The following COL4A3 variants were observed in gnomAD, a reference collection of about 807,000 sequenced individuals.
COL4A3 encodes the protein collagen type IV alpha 3 chain.
COL4A3 carries 135 observed loss-of-function variants against 217.4 expected under a neutral mutation model. The observed-to-expected ratio is 0.62, with a 90% CI of 0.54 to 0.72. The LOEUF (loss-of-function observed/expected upper bound fraction) is 0.72, where lower values mean the gene tolerates loss of function less well. COL4A3 is among the 30% of genes least tolerant of loss of function. The probability of loss-of-function intolerance (pLI) is 0.00; values close to 1 mark genes in which losing one functional copy is unlikely to be tolerated. For synonymous variants in COL4A3, 690 were observed against 736.3 expected (o/e 0.94, Z 1.02); for missense variants, 1,868 against 2,119.9 (o/e 0.88, Z 2.33).
At chr2:227,259,924 CT>C (rs758594479) in intron 19 of COL4A3, 47 bp downstream of exon 19, 1 of 1,410,296 alleles carries the variant, frequency 7.1e-7, no homozygotes, top group African/African-American at 1.4e-5. Flanking sequence ...ATATTTCTGG[CT>C]TTCTTTCAAG....
intron 3 of COL4A3, 150 bp downstream of exon 3, chr2:227,240,382 C>T (rs1425510819): frequency 2.9e-5 from 21 of 723,096 alleles, no homozygotes; most frequent in Non-Finnish European, 4.6e-5. Flanking sequence ...TAGTGGGCCA[C>T]ATAGAACCGC....
At chr2:227,209,037 T>C (rs2067212894) in intron 1 of COL4A3, among the ~76,000 whole-genome samples, 1 of 152,134 alleles carries the variant, frequency 6.6e-6, no homozygotes, top group South Asian at 2.1e-4. Context: ...AAGGGAAGCA[T>C]TACAAACAAA....
chr2:227,169,500 C>G (rs577770753), intron 1 of COL4A3, among the ~76,000 whole-genome samples: 7 of 151,386 alleles, frequency 4.6e-5, no homozygotes, highest in Non-Finnish European at 1.0e-4. Flanking sequence ...AGTTTACAGT[C>G]CCACCAACAG....
Position 227,290,879 on chromosome 2 carries a change from G to A in COL4A3, c.3203G>A (p.Gly1068Glu). The A allele has an allele frequency of 6.2e-7, 1 of 1,612,110 alleles. No homozygotes were observed. Among genetic ancestry groups the A allele is most frequent in the Non-Finnish European group, 8.5e-7 (1 of 1,179,568 alleles). The change falls in exon 37 of 52, where the codon GGA (glycine) becomes GAA (glutamate). Residue 1068 changes from glycine to glutamate, a missense_variant. By Grantham distance (98) the Gly-to-Glu change is moderately conservative. Coordinates refer to ENST00000396578, the MANE Select transcript of COL4A3 (RefSeq NM_000091.5). ...GAAGGTACAAGGCCAGGACCACCGG[G>A]ACCAACGGTATATAGGCCACTGAAA... ...YSEGTRPGPP[G>E]PTGDPGLPGD...
At chr2:227,200,512 T>C (rs943508675) in intron 1 of COL4A3, among the ~76,000 whole-genome samples, 2 of 152,168 alleles carry the variant, frequency 1.3e-5, no homozygotes, top group African/African-American at 4.8e-5. Context: ...AGAATGCATA[T>C]AGATGTAATA....
At chr2:227,183,305 G>C (rs2065915497) in intron 1 of COL4A3, among the ~76,000 whole-genome samples, 3 of 152,022 alleles carry the variant, frequency 2.0e-5, no homozygotes, top group African/African-American at 7.2e-5. Flanking sequence ...GCCTCCAGGA[G>C]AAGGAGGAAC....
intron 19 of COL4A3, 72 bp downstream of exon 19, chr2:227,259,949 T>G (rs2070442821): frequency 9.2e-7 from 1 of 1,090,132 alleles, no homozygotes; most frequent in African/African-American, 1.5e-5. Flanking sequence ...ATAAATAGCA[T>G]GTGCTTATGG....
intron 15 of COL4A3, 131 bp from the exon 16 acceptor site, chr2:227,255,895 G>A (rs2070135917): frequency 2.3e-6 from 2 of 866,950 alleles, no homozygotes; most frequent in Admixed American, 2.1e-5. Context: ...TCTAACACCT[G>A]GGTGAAGATC....
intron 1 of COL4A3, among the ~76,000 whole-genome samples, chr2:227,226,471 G>GTTTTT (rs1553745378): frequency 2.7e-5 from 3 of 111,966 alleles, no homozygotes; most frequent in East Asian, 3.0e-4. Context: ...CTAATGTTAG[G>GTTTTT]TTTGTTTTTT....
At chr2:227,283,671 C>T (rs1464484782) in intron 32 of COL4A3, 96 bp from the exon 33 acceptor site, 2 of 1,073,116 alleles carry the variant, frequency 1.9e-6, no homozygotes, top group Non-Finnish European at 2.9e-6. Context: ...AACTCCCAAT[C>T]TCTGCTTCTA....
chr2:227,266,538 G>A (rs928915154), intron 22 of COL4A3, 29 bp downstream of exon 22: 17 of 1,539,644 alleles, frequency 1.1e-5, no homozygotes, highest in Non-Finnish European at 1.3e-5. Context: ...GTTGTATTAG[G>A]ATAAGCCTTT....
intron 1 of COL4A3, chr2:227,221,294 C>T (rs1383228448): frequency 2.0e-5 from 3 of 152,286 alleles, no homozygotes; most frequent in Non-Finnish European, 4.4e-5. Context: ...CCCTAGGACT[C>T]CAAATCCCAT....
Position 227,298,562 on chromosome 2 carries a change from G to A in COL4A3, c.3752-120G>A, listed in dbSNP as rs566455734. On this transcript the variant is annotated intron_variant, in intron 42 of 51. Transcript: ENST00000396578. ...CACAATCCCATCACATGCTCCAGGG[G>A]AAAGAATGTTTGTGGCAATGCTAAG... The A allele has an allele frequency of 1.1e-4, 156 of 1,405,400 alleles. No homozygotes were observed. The African/African-American group carries it at 1.9e-3, about 17-fold the overall frequency. The allele number at this position is 1,405,400 out of a possible 1,614,324, so 87.1% of individuals were successfully genotyped here.
chr2:227,283,810 T>C lies in COL4A3; in HGVS notation c.2700T>C (p.Ile900=), dbSNP rs949063273. Residue 900 remains isoleucine (I), a synonymous_variant, in exon 33 of 52, where the codon ATT becomes ATC. Coordinates refer to ENST00000396578, the MANE Select transcript of COL4A3 (RefSeq NM_000091.5). The part of the protein sequence containing the change: ...VIGMMGFPGA[I]GPPGPPGNPG... ...GGATGATGGGCTTTCCTGGAGCCATTGGCCCTCCAGGGCCCCCTGGGAACC... is the reference window on the plus strand; with the variant it reads ...GGATGATGGGCTTTCCTGGAGCCATCGGCCCTCCAGGGCCCCCTGGGAACC... 1 of 1,614,122 alleles carries C rather than the reference T, an allele frequency of 6.2e-7. No homozygotes were observed. Among genetic ancestry groups the C allele is most frequent in the African/African-American group, 1.3e-5 (1 of 74,948 alleles).
rs892193994 is a variant in COL4A3 at position 227,176,361 on chromosome 2, A to G, written c.87+11548A>G. On this transcript the variant is annotated intron_variant, in intron 1 of 51. Transcript: ENST00000396578. ...GTATATGTATGATATGAGTGTGTAC[A>G]TATAAATTTGCACACACGTATATTT... Among the ~76,000 whole-genome samples, 3 of 152,220 alleles carry G rather than the reference A, an allele frequency of 2.0e-5. 1 individual carries two copies. Among genetic ancestry groups the G allele is most frequent in the Admixed American group, 2.0e-4 (3 of 15,284 alleles).
At chr2:227,212,992 A>G (rs1447180104) in intron 1 of COL4A3, among the ~76,000 whole-genome samples, 2 of 152,200 alleles carry the variant, frequency 1.3e-5, no homozygotes, top group Non-Finnish European at 2.9e-5. Context: ...TTGACTCAAT[A>G]ATAGCCTTGG....
In COL4A3 at chr2:227,253,462, A is replaced by G. The variant is rs746418064; in HGVS notation, c.688-99A>G. 4.3e-6 allele frequency: 6 copies of G among 1,406,002 alleles called. No homozygotes were observed. The highest frequency in any genetic ancestry group is 2.8e-5 in the African/African-American group (2 of 70,714). 87.1% of individuals were successfully genotyped at this position (1,406,002 alleles called of 1,614,324 possible). A position where few individuals can be genotyped will look rare whatever the true frequency, so the allele number is the denominator to read the frequency against. On this transcript the variant is annotated intron_variant, in intron 12 of 51. Transcript: ENST00000396578. This position sits in a 1 kb window ranked among gnomAD's most constrained non-coding sequence, Gnocchi z 4.4. ...GCCTTCATTTGTTCTATCTTCCCGT[A>G]TAAGCACTAAAGGGGAAAAGTAGAC...
chr2:227,274,780 T>C (rs886970678), intron 26 of COL4A3, among the ~76,000 whole-genome samples: 10 of 152,138 alleles, frequency 6.6e-5, no homozygotes, highest in African/African-American at 2.2e-4. Flanking sequence ...ATTACAGGCA[T>C]GAGCCACCAT....
Position 227,305,019 on chromosome 2 carries a change from T to C in COL4A3, c.4188T>C (p.Asp1396=), listed in dbSNP as rs757177599. The change falls in exon 47 of 52, where the codon GAT becomes GAC. Residue 1396 remains aspartate (D), a synonymous_variant. Transcript: ENST00000396578. ...GGCCAAGAGGTAAGCCAGGCAAGGA[T>C]GGAAAACCAGGAACTCCTGGACCAG... is the stretch of plus-strand genomic sequence containing the variant. ...PCGPRGKPGK[D]GKPGTPGPAG... is the part of the protein sequence containing the mutation. The C allele has an allele frequency of 1.2e-6, 2 of 1,613,992 alleles. No individual in the cohort carries two copies. The highest frequency in any genetic ancestry group is 2.2e-5 in the East Asian group (1 of 44,878).
Sources: allele counts gnomAD v4.1 joint callset (sites outside exome capture counted in the v4.1 genomes callset), GRCh38; gene constraint gnomAD v4.1.1; non-coding constraint Gnocchi (gnomAD v3.1); transcripts MANE v1.5; gene names NCBI Gene and HGNC (gene_info 2026-07-23, HGNC 2026-07-21).